Variants in DMD observed in about 807,000 individuals in gnomAD.
The protein encoded by DMD is mutant dystrophin.
Under a neutral mutation model 330.1 loss-of-function variants are expected in DMD, and 63 were observed. The observed-to-expected ratio is 0.19, with a 90% CI of 0.16 to 0.24. DMD has a LOEUF of 0.24. Among genes scored for constraint, DMD ranks in the 10% least tolerant of loss-of-function variants. The pLI, the probability that DMD is intolerant of heterozygous loss-of-function variation, is 1.00. For synonymous variants in DMD, 1,223 were observed against 959.8 expected, an observed-to-expected ratio of 1.27 and a Z score of -5.07; for missense variants, 3,344 against 2,684.1, an observed-to-expected ratio of 1.25 and a Z score of -5.43.
At chrX:33,128,559 T>C in intron 1 of DMD, 1 of 621,360 alleles carries the variant, frequency 1.6e-6, no homozygotes, top group Non-Finnish European at 2.0e-6. Flanking sequence ...ATATAGGATT[T>C]ATCTGAGTCT....
chrX:31,937,959 A>G (rs962071264), intron 45 of DMD, among the ~76,000 whole-genome samples: 2 of 112,068 alleles, frequency 1.8e-5, no homozygotes, highest in Non-Finnish European at 3.8e-5. Flanking sequence ...TGGCTCTGTT[A>G]CCATTTACAT....
rs745432716 is a variant in DMD at position 32,328,598 on chromosome X, A to T, written c.5922+13502T>A. Among the ~76,000 whole-genome samples the T allele has an allele frequency of 6.3e-5, 7 of 110,549 alleles. No homozygotes were observed. The South Asian group carries it at 2.7e-3, about 42-fold the overall frequency. On this transcript the variant is annotated intron_variant, in intron 41 of 78. Coordinates refer to ENST00000357033, the MANE Select transcript of DMD (RefSeq NM_004006.3). ...GAAACTTCAAGCAACCAATATAGAA[A>T]CTTAGCAGGAATGGTATTCCTTCAT...
At chrX:33,169,383 A>T (rs1435133877) in intron 1 of DMD, among the ~76,000 whole-genome samples, 1 of 111,565 alleles carries the variant, frequency 9.0e-6, no homozygotes, top group Non-Finnish European at 1.9e-5. Flanking sequence ...ATTTCTAAAC[A>T]ACAAAAATGT....
chrX:31,757,397 AGCTGCTAGGAGT>A (rs1569355147), intron 51 of DMD, among the ~76,000 whole-genome samples: 1 of 112,129 alleles, frequency 8.9e-6, no homozygotes, highest in Non-Finnish European at 1.9e-5. Context: ...TTAGTTCCCC[AGCTGCTAGGAGT>A]GCTGCTGGTA....
At chrX:31,301,362 A>C (rs1206024676) in intron 62 of DMD, among the ~76,000 whole-genome samples, 1 of 111,594 alleles carries the variant, frequency 9.0e-6, no homozygotes, top group Admixed American at 9.5e-5. Flanking sequence ...GGTTTAATTG[A>C]CTCACAGTTC....
chrX:33,091,384 T>C lies in DMD; in HGVS notation c.32-71184A>G, dbSNP rs930047188. ...GGATTATGAATGGCTTATGAATGGA[T>C]TGCAGGAGCATTTGAACTGCTGGAT... is the stretch of plus-strand genomic sequence containing the variant. On this transcript the variant is annotated intron_variant, in intron 1 of 78. Transcript: ENST00000357033. Among the ~76,000 whole-genome samples, 22 of 111,765 alleles carry C rather than the reference T, an allele frequency of 2.0e-4. No homozygotes were observed. In the South Asian group the frequency reaches 2.6e-3, roughly 13 times the overall value.
chrX:32,698,998 G>T (rs1457665723), intron 8 of DMD, 114 bp downstream of exon 8: 2 of 651,459 alleles, frequency 3.1e-6, no homozygotes, highest in Non-Finnish European at 4.8e-6. Flanking sequence ...ATTAGGCTTT[G>T]TATATATACA....
At chrX:32,192,091 T>C (rs190292640) in intron 44 of DMD, among the ~76,000 whole-genome samples, 102 of 112,065 alleles carry the variant, frequency 9.1e-4, no homozygotes, top group Admixed American at 4.0e-3. Context: ...ACATGCATTT[T>C]CACCTTAAAT....
intron 43 of DMD, among the ~76,000 whole-genome samples, chrX:32,272,156 CATG>C (rs2097367617): frequency 8.9e-6 from 1 of 111,899 alleles, no homozygotes; most frequent in Non-Finnish European, 1.9e-5. Flanking sequence ...CATATAAACT[CATG>C]ATAATAACCT....
rs192184879 is a variant in DMD at position 32,344,091 on chromosome X, G to A, written c.5587-805C>T. On this transcript the variant is annotated intron_variant, in intron 39 of 78. Transcript: ENST00000357033. ...ACAATGGGAGGAAATCAGTCATCAT[G>A]CTCTTTACAAGCACACTCAATATCT... Among the ~76,000 whole-genome samples the A allele has an allele frequency of 7.1e-5, 8 of 111,964 alleles. No individual in the cohort carries two copies. The East Asian group carries it at 2.0e-3, about 27-fold the overall frequency.
chrX:33,287,782 A>G (rs1028462099), intron 1 of DMD, among the ~76,000 whole-genome samples: 8 of 111,665 alleles, frequency 7.2e-5, no homozygotes, highest in African/African-American at 9.7e-5. Context: ...AATTTAAGTA[A>G]TGGATGCTTC....
chrX:33,268,852 A>G (rs951358274), intron 1 of DMD, among the ~76,000 whole-genome samples: 2 of 104,292 alleles, frequency 1.9e-5, no homozygotes, highest in Non-Finnish European at 3.9e-5. Context: ...ATTTGAACCC[A>G]GGAGGTTGAG....
At chrX:32,247,009 A>T (rs2097241807) in intron 43 of DMD, among the ~76,000 whole-genome samples, 1 of 111,828 alleles carries the variant, frequency 8.9e-6, no homozygotes, top group Non-Finnish European at 1.9e-5. Flanking sequence ...AATAACCAGG[A>T]TATCTAATTT....
intron 60 of DMD, among the ~76,000 whole-genome samples, chrX:31,362,738 A>G (rs984564496): frequency 8.9e-6 from 1 of 112,779 alleles, no homozygotes; most frequent in African/African-American, 3.2e-5. Context: ...AGGTCAGGAG[A>G]TCGAGACCAT....
At chrX:33,123,317 T>A (rs1031877046) in intron 1 of DMD, among the ~76,000 whole-genome samples, 24 of 112,268 alleles carry the variant, frequency 2.1e-4, no homozygotes, top group Non-Finnish European at 3.4e-4. Context: ...TGTTTGTGTG[T>A]CACTGAAGAG....
chrX:32,247,043 T>A (rs1304305016), intron 43 of DMD, among the ~76,000 whole-genome samples: 1 of 111,799 alleles, frequency 8.9e-6, no homozygotes, highest in Non-Finnish European at 1.9e-5. Context: ...TGTAGGTAAT[T>A]TAAATTCAGT....
chrX:31,988,360 G>A (rs760145223), intron 44 of DMD, among the ~76,000 whole-genome samples: 74 of 104,635 alleles, frequency 7.1e-4, no homozygotes, highest in African/African-American at 2.4e-3. Context: ...TGTAGTCCCA[G>A]CTACTTGGGA....
rs368616935 is a variant in DMD, at chrX:31,378,094, G to A, written c.9085-29460C>T. Among the ~76,000 whole-genome samples, 8 of 111,264 alleles carry A rather than the reference G, an allele frequency of 7.2e-5. No individual in the cohort carries two copies. The East Asian group carries it at 1.1e-3, about 16-fold the overall frequency. On this transcript the variant is annotated intron_variant, in intron 60 of 78. Transcript: ENST00000357033. ...TGCTGACTCTTTTTGGACTCAGCCC[G>A]CCTGCATCCAGGTGATTAAAAAGTT...
intron 11 of DMD, among the ~76,000 whole-genome samples, chrX:32,622,385 T>C (rs1450635320): frequency 8.9e-6 from 1 of 112,049 alleles, no homozygotes; most frequent in African/African-American, 3.2e-5. Flanking sequence ...AATATTTCTT[T>C]TCCTTACTAC....
Sources: allele counts gnomAD v4.1 joint callset (sites outside exome capture counted in the v4.1 genomes callset), GRCh38; gene constraint gnomAD v4.1.1; transcripts MANE v1.5; gene names NCBI Gene and HGNC (gene_info 2026-07-23, HGNC 2026-07-21).